RAD51B: variants seen among roughly 807,000 people sequenced by gnomAD.
RAD51B encodes DNA repair protein RAD51 homolog 2.
A neutral mutation model predicts 42.2 loss-of-function variants in RAD51B; 38 were observed. The observed-to-expected ratio is 0.90, with a 90% CI of 0.70 to 1.18. The LOEUF (loss-of-function observed/expected upper bound fraction) is 1.18. Among genes scored for constraint, RAD51B ranks in the 50% most tolerant of loss-of-function variants. The pLI, the probability that RAD51B is intolerant of heterozygous loss-of-function variation, is 0.00. For synonymous variants in RAD51B, 154 were observed against 145.2 expected (o/e 1.06, Z -0.43); for missense variants, 373 against 400.7 (o/e 0.93, Z 0.59).
exon 11 of RAD51B, chr14:68,594,668 A>G: frequency 7.8e-7 from 1 of 1,280,652 alleles, no homozygotes; most frequent in Non-Finnish European, 1.0e-6. Flanking sequence ...GCTTCAAGAG[A>G]TCCACCCACC....
chr14:68,636,880 G>T (rs899894099), intron 10 of RAD51B, among the ~76,000 whole-genome samples: 1 of 152,234 alleles, frequency 6.6e-6, no homozygotes, highest in African/African-American at 2.4e-5. Context: ...GGAAGGTGGG[G>T]AAGTAGATTC....
intron 8 of RAD51B, among the ~76,000 whole-genome samples, chr14:68,321,250 A>G (rs2082152350): frequency 1.3e-5 from 2 of 152,330 alleles, no homozygotes; most frequent in South Asian, 4.1e-4. Flanking sequence ...ATCTGTAAAA[A>G]GTAATCTTGC....
chr14:68,339,998 C>T (rs915672194), intron 8 of RAD51B, among the ~76,000 whole-genome samples: 2 of 152,078 alleles, frequency 1.3e-5, no homozygotes, highest in South Asian at 2.1e-4. Flanking sequence ...TTTTCTTTGT[C>T]TACACAAGGG....
chr14:68,414,754 C>T (rs2084508637), intron 9 of RAD51B, among the ~76,000 whole-genome samples: 1 of 150,542 alleles, frequency 6.6e-6, no homozygotes, highest in South Asian at 2.1e-4. Context: ...GACGCAGTGG[C>T]TCATGCCTGT....
intron 7 of RAD51B, among the ~76,000 whole-genome samples, chr14:68,057,505 A>T (rs12437441): frequency 0.016 from 2,361 of 152,228 alleles, 29 homozygotes; most frequent in African/African-American, 0.036. Flanking sequence ...AGGATTTGAA[A>T]ACAGGATCAC....
chr14:68,545,542 G>A (rs1251138571), intron 10 of RAD51B: 1 of 455,998 alleles, frequency 2.2e-6, no homozygotes, highest in Middle Eastern at 3.3e-4. Flanking sequence ...ATTATTATGA[G>A]TACCTGGGGC....
chr14:68,213,529 G>A (rs781355961), intron 7 of RAD51B, among the ~76,000 whole-genome samples: 76 of 152,328 alleles, frequency 5.0e-4, no homozygotes, highest in Non-Finnish European at 1.8e-4. Context: ...CTTGAAGGAG[G>A]AAGCTTAGGT....
At chr14:67,944,462 G>A (rs1052403055) in intron 7 of RAD51B, among the ~76,000 whole-genome samples, 1 of 151,880 alleles carries the variant, frequency 6.6e-6, no homozygotes. Context: ...TAAAAACGTG[G>A]TTGTAAAGTT....
chr14:68,658,628 C>T (rs1234183003), intron 11 of RAD51B, among the ~76,000 whole-genome samples: 3 of 152,186 alleles, frequency 2.0e-5, no homozygotes, highest in African/African-American at 7.2e-5. Flanking sequence ...CAGAGGGAAA[C>T]ATGGAGGTTC....
chr14:68,361,413 T>C (rs1043547489), intron 8 of RAD51B, among the ~76,000 whole-genome samples: 3 of 152,176 alleles, frequency 2.0e-5, no homozygotes, highest in African/African-American at 7.2e-5. Context: ...GGCCTTGAAA[T>C]TGTTTTCTGA....
chr14:68,236,218 T>A (rs1279636299), intron 7 of RAD51B: 1 of 152,154 alleles, frequency 6.6e-6, no homozygotes, highest in Non-Finnish European at 1.5e-5. Context: ...AATAAAAGTT[T>A]AAAAATTAAT....
At chr14:68,451,481 G>T (rs1377482641) in intron 9 of RAD51B, among the ~76,000 whole-genome samples, 1 of 152,196 alleles carries the variant, frequency 6.6e-6, no homozygotes, top group Non-Finnish European at 1.5e-5. Flanking sequence ...ATTGTATAAA[G>T]TTCTAGCTCT....
chr14:68,194,710 C>T lies in RAD51B; in HGVS notation c.757-97174C>T, dbSNP rs1021483525. Among the ~76,000 whole-genome samples the T allele has an allele frequency of 7.9e-5, 12 of 152,280 alleles. 1 individual carries two copies. The East Asian group carries it at 1.4e-3, about 17-fold the overall frequency. On this transcript the variant is annotated intron_variant, in intron 7 of 10. Transcript: ENST00000471583. The stretch of plus-strand genomic sequence containing the variant: ...TGAGTCTTTTGCAAATCTGTAAACA[C>T]AGAGTGAGAATGAGATATGACAGTG...
chr14:68,357,337 C>A (rs1594719625), intron 8 of RAD51B, among the ~76,000 whole-genome samples: 1 of 152,174 alleles, frequency 6.6e-6, no homozygotes, highest in South Asian at 2.1e-4. Flanking sequence ...AATTCTAATT[C>A]TCTTGCTATT....
intron 7 of RAD51B, among the ~76,000 whole-genome samples, chr14:68,260,173 A>T (rs983000435): frequency 2.6e-5 from 4 of 152,078 alleles, no homozygotes; most frequent in Non-Finnish European, 4.4e-5. Flanking sequence ...AAGCATCCCC[A>T]TGGGTCTTGG....
At chr14:68,185,052 G>C (rs1357920373) in intron 7 of RAD51B, among the ~76,000 whole-genome samples, 1 of 151,972 alleles carries the variant, frequency 6.6e-6, no homozygotes, top group African/African-American at 2.4e-5. Context: ...TGTTTGGTTT[G>C]GTTCTGTTTT....
At chr14:68,428,728 T>C (rs1280051210) in intron 9 of RAD51B, among the ~76,000 whole-genome samples, 8 of 6,390 alleles carry the variant, frequency 1.3e-3, no homozygotes, top group Non-Finnish European at 3.8e-3. Flanking sequence ...TATATATATA[T>C]ATATATATAT....
chr14:68,381,136 C>A (rs2083470403), intron 8 of RAD51B, among the ~76,000 whole-genome samples: 1 of 152,168 alleles, frequency 6.6e-6, no homozygotes, highest in Non-Finnish European at 1.5e-5. Flanking sequence ...GAAATGATCT[C>A]TTATTTTGGA....
intron 9 of RAD51B, among the ~76,000 whole-genome samples, chr14:68,466,362 G>A (rs2140229090): frequency 6.6e-6 from 1 of 152,332 alleles, no homozygotes; most frequent in East Asian, 1.9e-4. Context: ...ACTTAGGAAG[G>A]TGTTTTTATC....
Sources: allele counts gnomAD v4.1 joint callset (sites outside exome capture counted in the v4.1 genomes callset), GRCh38; gene constraint gnomAD v4.1.1; transcripts MANE v1.5; gene names NCBI Gene and HGNC (gene_info 2026-07-23, HGNC 2026-07-21).